The following THSD4 variants were observed in gnomAD, a reference collection of about 807,000 sequenced individuals.
The protein encoded by THSD4 is thrombospondin type 1 domain containing 4, also known as thrombospondin type-1 domain-containing protein 4.
A neutral mutation model predicts 119.0 loss-of-function variants in THSD4; 69 were observed. That is an observed-to-expected ratio of 0.58 (90% CI 0.48 to 0.71). THSD4 has a LOEUF of 0.71. THSD4 is among the 30% of genes least tolerant of loss of function. The probability of loss-of-function intolerance (pLI) is 0.00; values close to 1 mark genes in which losing one functional copy is unlikely to be tolerated. For missense variants in THSD4, 1,393 were observed against 1,391.1 expected, an observed-to-expected ratio of 1.00 and a Z score of -0.02; for synonymous variants, 524 against 540.4, an observed-to-expected ratio of 0.97 and a Z score of 0.42.
chr15:71,741,565 T>A (rs941115014), intron 11 of THSD4, among the ~76,000 whole-genome samples: 5 of 152,016 alleles, frequency 3.3e-5, no homozygotes, highest in Non-Finnish European at 7.4e-5. Context: ...TTGTTTAATC[T>A]TCTGTCCTTT....
At chr15:71,156,742 A>G (rs896582399) in intron 3 of THSD4, among the ~76,000 whole-genome samples, 5 of 152,184 alleles carry the variant, frequency 3.3e-5, no homozygotes, top group African/African-American at 9.7e-5. Context: ...ATAAACCTCT[A>G]TTGTACTGTA....
Position 71,587,681 on chromosome 15 carries a change from A to C in THSD4, c.1153-72849A>C, listed in dbSNP as rs1278590008. On this transcript the variant is annotated intron_variant, in intron 7 of 17. Transcript: ENST00000261862. ...GAGATATACCTAAGGCTAGATGACG[A>C]GTTAGTGGGTGCAGCGCACCAGCAT... is the stretch of plus-strand genomic sequence containing the variant. 8.4e-4 allele frequency among the ~76,000 whole-genome samples: 114 copies of C among 135,976 alleles called. 2 individuals are homozygous for C. The highest frequency in any genetic ancestry group is 2.9e-3 in the African/African-American group (112 of 38,376). The allele number at this position is 135,976 out of a possible 152,430, so 89.2% of individuals were successfully genotyped here.
At chr15:71,695,933 T>A (rs1270855055) in intron 8 of THSD4, among the ~76,000 whole-genome samples, 1 of 152,324 alleles carries the variant, frequency 6.6e-6, no homozygotes, top group East Asian at 1.9e-4. Context: ...TTACTTAATT[T>A]ATCTGTAAAA....
At chr15:71,164,956 T>G in intron 3 of THSD4, 1 of 1,595,916 alleles carries the variant, frequency 6.3e-7, no homozygotes, top group Middle Eastern at 2.2e-4. Context: ...CCTTTTCGTA[T>G]TTTTCCTTCA....
intron 7 of THSD4, among the ~76,000 whole-genome samples, chr15:71,549,397 G>C (rs1595876789): frequency 6.6e-6 from 1 of 152,050 alleles, no homozygotes; most frequent in Admixed American, 6.6e-5. Context: ...TTTCTGTGCT[G>C]TTGGCTCCAG....
chr15:71,722,732 G>T (rs1379532318), intron 8 of THSD4, among the ~76,000 whole-genome samples: 4 of 152,164 alleles, frequency 2.6e-5, no homozygotes, highest in African/African-American at 9.7e-5. Flanking sequence ...GCAGTAAAGA[G>T]ATATCAAATG....
At position 71,115,590 on chromosome 15, in the gene THSD4, G is replaced by GGTGGCGGCC. The variant is rs1434236272; in HGVS notation, c.-185_-177dup. Reference sequence around the variant, plus strand: ...GGCGGGCGCGGGGCGGCTGGGCGGCGGTGGCGGCCGTCCATGCGGCGGCGC... The same window carrying GGTGGCGGCC: ...GGCGGGCGCGGGGCGGCTGGGCGGCGGTGGCGGCCGTGGCGGCCGTCCATGCGGCGGCGC... On this transcript the variant is annotated 5_prime_UTR_variant, in exon 1 of 18. Transcript: ENST00000261862. The surrounding 1 kb of genome is among the most constrained non-coding windows in gnomAD (Gnocchi z 4.4). The GGTGGCGGCC allele has an allele frequency of 2.7e-5, 4 of 148,614 alleles. No individual in the cohort carries two copies. Among genetic ancestry groups the GGTGGCGGCC allele is most frequent in the African/African-American group, 9.7e-5 (4 of 41,050 alleles). 9.2% of individuals were successfully genotyped at this position (148,614 alleles called of 1,614,324 possible).
At chr15:71,699,364 C>T (rs1171636746) in intron 8 of THSD4, among the ~76,000 whole-genome samples, 1 of 64,842 alleles carries the variant, frequency 1.5e-5, no homozygotes, top group African/African-American at 1.1e-4. Context: ...AGGCGCCCGC[C>T]ACTACGCCCG....
chr15:71,463,488 T>C (rs1267390980), intron 7 of THSD4, among the ~76,000 whole-genome samples: 1 of 152,216 alleles, frequency 6.6e-6, no homozygotes, highest in Non-Finnish European at 1.5e-5. Flanking sequence ...TGAAAGACTT[T>C]GCTAAATGCC....
chr15:71,611,877 G>C (rs62022832), intron 7 of THSD4, among the ~76,000 whole-genome samples: 1,390 of 2,828 alleles, frequency 0.49, 13 homozygotes, highest in Middle Eastern at 0.5. Flanking sequence ...TGCTGGATGA[G>C]GATGTAATGG....
chr15:71,405,754 T>C lies in THSD4; in HGVS notation c.1016-5933T>C, dbSNP rs529638892. ...ATGGGGGAGTTTGCCATCTTAACAA[T>C]GTTAAATCTTCAGATCCAAGAAAAT... On this transcript the variant is annotated intron_variant, in intron 6 of 17. Transcript: ENST00000261862. Among the ~76,000 whole-genome samples the C allele has an allele frequency of 6.6e-5, 10 of 152,346 alleles. No individual in the cohort carries two copies. The South Asian group carries it at 2.1e-3, about 32-fold the overall frequency.
intron 7 of THSD4, among the ~76,000 whole-genome samples, chr15:71,497,311 G>A (rs193108294): frequency 7.2e-5 from 11 of 152,208 alleles, no homozygotes; most frequent in South Asian, 4.2e-4. Context: ...TCAGGAGTTC[G>A]AGACCAGCCT....
chr15:71,650,651 G>T (rs563022917), intron 7 of THSD4, among the ~76,000 whole-genome samples: 3 of 152,166 alleles, frequency 2.0e-5, no homozygotes, highest in Admixed American at 2.0e-4. Flanking sequence ...CGGAAGACAC[G>T]TACCCCTGAA....
chr15:71,251,653 T>A (rs2044260774), intron 5 of THSD4, among the ~76,000 whole-genome samples: 2 of 152,138 alleles, frequency 1.3e-5, no homozygotes, highest in South Asian at 4.1e-4. Context: ...GATAAAAAAA[T>A]TACATATCTG....
At chr15:71,484,343 TGAA>T (rs753429358) in intron 7 of THSD4, among the ~76,000 whole-genome samples, 3 of 152,234 alleles carry the variant, frequency 2.0e-5, no homozygotes, top group Non-Finnish European at 4.4e-5. Flanking sequence ...GAGTAAGATC[TGAA>T]GAAGAAACTG....
At chr15:71,174,429 C>T (rs1295046541) in intron 3 of THSD4, among the ~76,000 whole-genome samples, 9 of 146,386 alleles carry the variant, frequency 6.1e-5, no homozygotes, top group Non-Finnish European at 6.0e-5. Flanking sequence ...CTTTTCAGAC[C>T]GGCTTAAGAA....
At chr15:71,417,370 C>T (rs1161188001) in intron 7 of THSD4, among the ~76,000 whole-genome samples, 1 of 107,940 alleles carries the variant, frequency 9.3e-6, no homozygotes, top group East Asian at 3.1e-4. Flanking sequence ...AGTTTGAGGT[C>T]TTAGATTTAA....
intron 7 of THSD4, among the ~76,000 whole-genome samples, chr15:71,624,988 T>C (rs1194182067): frequency 6.9e-6 from 1 of 144,168 alleles, no homozygotes; most frequent in Non-Finnish European, 1.5e-5. Flanking sequence ...AAGAGCTTGT[T>C]TTGTTGTTGT....
intron 16 of THSD4, chr15:71,767,551 T>G (rs1010099278): frequency 8.5e-5 from 13 of 152,230 alleles, no homozygotes; most frequent in African/African-American, 2.7e-4. Flanking sequence ...AGCCCCAATA[T>G]CCTTGAGAAG....
Sources: gnomAD v4.1 joint callset for allele counts (sites outside exome capture counted in the v4.1 genomes callset) on GRCh38, gnomAD v4.1.1 for gene constraint, Gnocchi (gnomAD v3.1) non-coding constraint, MANE v1.5 for transcripts, NCBI Gene and HGNC (gene_info 2026-07-23, HGNC 2026-07-21) for gene names.